The following GFM2 variants were observed in gnomAD, a reference collection of about 807,000 sequenced individuals.
The protein encoded by GFM2 is ribosome-releasing factor 2, mitochondrial.
A neutral mutation model predicts 95.4 loss-of-function variants in GFM2; 72 were observed. The ratio of observed to expected loss-of-function variants is 0.76; its 90% CI spans 0.62 to 0.92. The LOEUF (loss-of-function observed/expected upper bound fraction) is 0.92. Ranked by LOEUF, GFM2 falls within the 40% of genes least tolerant of loss-of-function variation. GFM2 has a pLI of 0.00. For synonymous variants in GFM2, 276 were observed against 317.5 expected (o/e 0.87, Z 1.39); for missense variants, 825 against 924.1 (o/e 0.89, Z 1.39).
chr5:74,765,871 C>A (rs887700653), intron 1 of GFM2, among the ~76,000 whole-genome samples: 1 of 151,980 alleles, frequency 6.6e-6, no homozygotes, highest in Admixed American at 6.6e-5. Flanking sequence ...TGGTGGCGAG[C>A]GCCTATAATT....
rs375616454 is a variant in GFM2 at position 74,721,831 on chromosome 5, A to G, written c.2212-48T>C. ...TTTATATTATCAAATTTAAGCCTCA[A>G]GTTTCTCTTCCTGCTGATTATCTTT... On this transcript the variant is annotated intron_variant, in intron 20 of 20. Coordinates refer to ENST00000296805, the MANE Select transcript of GFM2 (RefSeq NM_032380.5). 19 of 1,541,308 alleles carry G rather than the reference A, an allele frequency of 1.2e-5. No individual in the cohort carries two copies. The East Asian group carries it at 3.9e-4, about 31-fold the overall frequency.
intron 5 of GFM2, among the ~76,000 whole-genome samples, chr5:74,756,196 G>A (rs1227203998): frequency 6.6e-6 from 1 of 152,154 alleles, no homozygotes; most frequent in Non-Finnish European, 1.5e-5. Flanking sequence ...AATTGGCATA[G>A]AAGGGACATA....
intron 11 of GFM2, among the ~76,000 whole-genome samples, chr5:74,741,318 A>C (rs2112275079): frequency 6.6e-6 from 1 of 152,248 alleles, no homozygotes; most frequent in Middle Eastern, 3.4e-3. Flanking sequence ...TCAATTTTTA[A>C]TTTTGTAAAG....
intron 17 of GFM2, among the ~76,000 whole-genome samples, chr5:74,727,790 A>G (rs979494467): frequency 2.0e-5 from 3 of 152,196 alleles, no homozygotes; most frequent in Non-Finnish European, 2.9e-5. Flanking sequence ...GTATATATTT[A>G]TGGGGTATGT....
chr5:74,743,118 T>C (rs1429382388), intron 10 of GFM2, among the ~76,000 whole-genome samples: 4 of 152,224 alleles, frequency 2.6e-5, no homozygotes, highest in Admixed American at 6.5e-5. Context: ...CCATGGCAAC[T>C]GCCATTCTAC....
intron 10 of GFM2, among the ~76,000 whole-genome samples, chr5:74,743,402 T>C (rs530443807): frequency 6.6e-6 from 1 of 152,344 alleles, no homozygotes; most frequent in South Asian, 2.1e-4. Context: ...CTCCACACCT[T>C]TGCCAACACC....
Position 74,740,011 on chromosome 5 carries a change from C to T in GFM2, c.1057G>A (p.Glu353Lys), listed in dbSNP as rs568129682. Reference protein sequence around the residue: ...DAVTMYLPSPEERNYEFLQWY... With the variant: ...DAVTMYLPSPKERNYEFLQWY... ...TACAGAAATTCATAGTTACGCTCTT[C>T]AGGTGAAGGTAAGTACATAGTAACA... is the stretch of plus-strand genomic sequence containing the variant. The change falls in exon 12 of 21, where the codon GAA becomes AAA. Residue 353 changes from glutamate (E) to lysine (K), a missense_variant. Physicochemically the swap from Glu to Lys is moderately conservative, Grantham distance 56 (BLOSUM62 1). Coordinates refer to ENST00000296805, the MANE Select transcript of GFM2 (RefSeq NM_032380.5). 6 of 1,565,930 alleles carry T rather than the reference C, an allele frequency of 3.8e-6. No homozygotes were observed. The highest frequency in any genetic ancestry group is 2.3e-5 in the East Asian group (1 of 43,014).
chr5:74,764,521 CTATTG>C (rs1744444266), intron 1 of GFM2, among the ~76,000 whole-genome samples: 1 of 151,926 alleles, frequency 6.6e-6, no homozygotes, highest in African/African-American at 2.4e-5. Flanking sequence ...AGCTCATCAG[CTATTG>C]TTAGTTATCA....
intron 5 of GFM2, among the ~76,000 whole-genome samples, chr5:74,756,161 C>G (rs1419288444): frequency 6.6e-6 from 1 of 152,106 alleles, no homozygotes; most frequent in Non-Finnish European, 1.5e-5. Context: ...ATTCAGCATC[C>G]CTCTATGATT....
intron 1 of GFM2, 86 bp from the exon 2 acceptor site, chr5:74,763,852 T>C (rs1354501731): frequency 4.3e-6 from 3 of 699,464 alleles, no homozygotes; most frequent in East Asian, 5.2e-5. Context: ...ATATGTAATA[T>C]GTATGGTAAA....
chr5:74,739,741 G>C (rs932271432), intron 12 of GFM2, among the ~76,000 whole-genome samples: 1 of 151,906 alleles, frequency 6.6e-6, no homozygotes, highest in Non-Finnish European at 1.5e-5. Flanking sequence ...AAGATGGCAG[G>C]GTCAACACTT....
chr5:74,750,598 T>C lies in GFM2; in HGVS notation c.500A>G (p.Asp167Gly). ...ATTTACCTCTACACCAGCAGAGGCA[T>C]CAAATACAGCCACTGCACCATCCAA... The part of the protein sequence containing the change: ...RVLDGAVAVF[D>G]ASAGVEAQTL... The change falls in exon 7 of 21, where the codon GAT becomes GGT. Residue 167 changes from aspartate to glycine, a missense_variant. Coordinates refer to ENST00000296805, the MANE Select transcript of GFM2 (RefSeq NM_032380.5). 2 of 1,612,182 alleles carry C rather than the reference T, an allele frequency of 1.2e-6. No homozygotes were observed. The highest frequency in any genetic ancestry group is 8.5e-7 in the Non-Finnish European group (1 of 1,178,502).
At chr5:74,750,766 T>C (rs1743657989) in intron 6 of GFM2, 99 bp from the exon 7 acceptor site, 10 of 727,506 alleles carry the variant, frequency 1.4e-5, no homozygotes, top group Non-Finnish European at 4.7e-6. Flanking sequence ...TGTGTGTGTA[T>C]ATATATGTGT....
chr5:74,726,636 T>C (rs1344478300), intron 17 of GFM2, among the ~76,000 whole-genome samples: 1 of 152,188 alleles, frequency 6.6e-6, no homozygotes, highest in Non-Finnish European at 1.5e-5. Context: ...AAAGTGTTTT[T>C]GGTAAGATTG....
At position 74,760,953 on chromosome 5, in the gene GFM2, T is replaced by G. The variant is rs961894273; in HGVS notation, c.97A>C (p.Lys33Gln). 7 of 1,609,632 alleles carry G rather than the reference T, an allele frequency of 4.3e-6. No homozygotes were observed. Among genetic ancestry groups the G allele is most frequent in the Non-Finnish European group, 5.9e-6 (7 of 1,176,482 alleles). The part of the protein sequence containing the change: ...ICCYKIRASL[K>Q]RLKPHVPLGR... Reference sequence around the variant, plus strand: ...AGCGGCACATGTGGCTTTAATCTTTTTAAACTTGCTCTTATTTTATAGCAG... The same window carrying G: ...AGCGGCACATGTGGCTTTAATCTTTGTAAACTTGCTCTTATTTTATAGCAG... Residue 33 changes from lysine to glutamine, a missense_variant, in exon 3 of 21, where the codon AAA (lysine) becomes CAA (glutamine). Physicochemically the swap from Lys to Gln is moderately conservative, Grantham distance 53. Transcript: ENST00000296805.
rs150612355 is a variant in GFM2, at chr5:74,747,758, C to T, written c.542G>A (p.Arg181Lys). The change falls in exon 8 of 21, where the codon AGG (arginine) becomes AAG (lysine). Residue 181 changes from arginine to lysine, a missense_variant. Physicochemically the swap from Arg to Lys is conservative, Grantham distance 26 (BLOSUM62 2). Transcript: ENST00000296805. Reference protein sequence around the residue: ...GVEAQTLTVWRQADKHNIPRI... With the variant: ...GVEAQTLTVWKQADKHNIPRI... ...AGGTATATTGTGTTTATCAGCTTGC[C>T]TCCATACTGTGAGAGTCTGGGCCTA... 1.9e-6 allele frequency: 3 copies of T among 1,610,312 alleles called. No individual in the cohort carries two copies. Among genetic ancestry groups the T allele is most frequent in the African/African-American group, 2.7e-5 (2 of 74,792 alleles).
At chr5:74,732,881 T>C in intron 16 of GFM2, 141 bp downstream of exon 16, 1 of 450,854 alleles carries the variant, frequency 2.2e-6, no homozygotes, top group East Asian at 3.4e-5. Flanking sequence ...TATGAGAGAA[T>C]TTAAAAAGAA....
chr5:74,740,846 T>C (rs1273423703), intron 11 of GFM2, among the ~76,000 whole-genome samples: 4 of 152,226 alleles, frequency 2.6e-5, no homozygotes, highest in African/African-American at 4.8e-5. Flanking sequence ...TTTTTAATTC[T>C]TTTAATGACT....
intron 2 of GFM2, among the ~76,000 whole-genome samples, chr5:74,761,923 T>C (rs1458231133): frequency 6.6e-6 from 1 of 152,214 alleles, no homozygotes; most frequent in African/African-American, 2.4e-5. Flanking sequence ...CTACATTAGT[T>C]ACCAAGTTTC....
Sources: gnomAD v4.1 joint callset for allele counts (sites outside exome capture counted in the v4.1 genomes callset) on GRCh38, gnomAD v4.1.1 for gene constraint, MANE v1.5 for transcripts, NCBI Gene and HGNC (gene_info 2026-07-23, HGNC 2026-07-21) for gene names.